Variants in SH3PXD2B observed in about 807,000 individuals in gnomAD.
SH3PXD2B encodes the protein SH3 and PX domains 2B.
In SH3PXD2B, 37 loss-of-function variants were observed where a neutral mutation model predicts 73.1. The ratio of observed to expected loss-of-function variants is 0.51; its 90% CI spans 0.39 to 0.67. SH3PXD2B has a LOEUF of 0.67. Ranked by LOEUF, SH3PXD2B falls within the 30% of genes least tolerant of loss-of-function variation. SH3PXD2B has a pLI of 0.00. For synonymous variants in SH3PXD2B, 457 were observed against 480.5 expected (o/e 0.95, Z 0.64); for missense variants, 1,053 against 1,197.8 (o/e 0.88, Z 1.78).
rs771418988 is a variant in SH3PXD2B, at chr5:172,382,055, C to T, written c.382G>A (p.Asp128Asn). The stretch of plus-strand genomic sequence containing the variant: ...ACTTACTCTTTGGGGGGATTCAGGT[C>T]CTCAGGTCTTGTCTCAAAGAACTGC... ...VLQFFETRPE[D>N]LNPPKEEHIG... Residue 128 changes from aspartate (D) to asparagine (N), a missense_variant, in exon 5 of 13, where the codon GAC (aspartate) becomes AAC (asparagine). By Grantham distance (23) the Asp-to-Asn change is conservative. Around this residue, in one of 2 missense-constraint regions of SH3PXD2B, gnomAD observed 466 missense variants for 607.1 expected, o/e 0.77. Coordinates refer to ENST00000311601, the MANE Select transcript of SH3PXD2B (RefSeq NM_001017995.3). The T allele has an allele frequency of 1.9e-6, 3 of 1,611,926 alleles. No individual in the cohort carries two copies. Among genetic ancestry groups the T allele is most frequent in the Admixed American group, 3.3e-5 (2 of 59,746 alleles).
chr5:172,382,887 C>A (rs975253535), intron 4 of SH3PXD2B, among the ~76,000 whole-genome samples: 2 of 149,974 alleles, frequency 1.3e-5, no homozygotes. Context: ...TGCTACCATG[C>A]CTGGCTAATT....
At chr5:172,442,852 G>A (rs972045953) in intron 1 of SH3PXD2B, among the ~76,000 whole-genome samples, 2 of 152,138 alleles carry the variant, frequency 1.3e-5, no homozygotes, top group African/African-American at 4.8e-5. Context: ...ACTGAAGCAC[G>A]GAGAGGTTCA....
rs369606134 is a variant in SH3PXD2B at position 172,339,852 on chromosome 5, G to A, written c.1253C>T (p.Pro418Leu). ...CTTGTACTTGTCAATGAAGGTGGCC[G>A]GGGCCCACCCTTCCTTATCTTCAAT... ...IQIEDKEGWAPATFIDKYKKT... is the reference protein window; with the variant it reads ...IQIEDKEGWALATFIDKYKKT... The change falls in exon 13 of 13, where the codon CCG becomes CTG. Residue 418 changes from proline to leucine, a missense_variant. This residue lies in a region of SH3PXD2B where 466 missense variants were observed against 607.1 expected (regional missense o/e 0.77). Coordinates refer to ENST00000311601, the MANE Select transcript of SH3PXD2B (RefSeq NM_001017995.3). The surrounding 1 kb of genome is among the most constrained non-coding windows in gnomAD (Gnocchi z 6.1). The A allele has an allele frequency of 1.5e-5, 25 of 1,614,114 alleles. No homozygotes were observed. The highest frequency in any genetic ancestry group is 1.9e-5 in the Non-Finnish European group (22 of 1,180,042).
intron 4 of SH3PXD2B, among the ~76,000 whole-genome samples, chr5:172,394,317 AC>A (rs1379784175): frequency 1.3e-5 from 2 of 152,256 alleles, no homozygotes; most frequent in Non-Finnish European, 2.9e-5. Flanking sequence ...ACAAAATTAC[AC>A]ATACAGAATG....
intron 10 of SH3PXD2B, among the ~76,000 whole-genome samples, chr5:172,348,598 CTT>C (rs5873311): frequency 0.13 from 19,223 of 151,382 alleles, 1,472 homozygotes; most frequent in Middle Eastern, 0.2. Context: ...AGGGGGGTGT[CTT>C]TGTTTTAGCA....
Position 172,337,270 on chromosome 5 carries a change from C to G in SH3PXD2B, c.*1099G>C. On this transcript the variant is annotated 3_prime_UTR_variant, in exon 13 of 13. Transcript: ENST00000311601. ...CCCCCTCACAATGAAGCCACTTGGC[C>G]ACCACTTAGCCAGCTTCTATCTCTT... 1 of 985,830 alleles carries G rather than the reference C, an allele frequency of 1.0e-6. No homozygotes were observed. The highest frequency in any genetic ancestry group is 1.2e-6 in the Non-Finnish European group (1 of 830,232). The allele number at this position is 985,830 out of a possible 1,614,324, so 61.1% of individuals were successfully genotyped here.
At chr5:172,332,055 T>C (rs1756565380), downstream of SH3PXD2B, among the ~76,000 whole-genome samples, 1 of 152,168 alleles carries the variant, frequency 6.6e-6, no homozygotes, top group Non-Finnish European at 1.5e-5. Context: ...AGAGGGCAAG[T>C]AGACTGCAAA....
chr5:172,435,086 G>T (rs1759342347), intron 1 of SH3PXD2B, among the ~76,000 whole-genome samples: 1 of 152,066 alleles, frequency 6.6e-6, no homozygotes, highest in African/African-American at 2.4e-5. Flanking sequence ...CACACAGCAG[G>T]TCTCCTTTCT....
At chr5:172,454,188 C>T (rs1324954138) in intron 1 of SH3PXD2B, 90 bp downstream of exon 1, 78 of 1,132,100 alleles carry the variant, frequency 6.9e-5, no homozygotes, top group Non-Finnish European at 9.2e-5. Context: ...ACGGGAAGCG[C>T]TGGAGGCAGA....
At chr5:172,370,471 C>T (rs1358200851) in intron 6 of SH3PXD2B, among the ~76,000 whole-genome samples, 1 of 152,114 alleles carries the variant, frequency 6.6e-6, no homozygotes, top group East Asian at 1.9e-4. Context: ...TTGCTATAAG[C>T]AAGACAGAGA....
At chr5:172,412,819 C>A (rs1209971600) in intron 2 of SH3PXD2B, among the ~76,000 whole-genome samples, 1 of 152,220 alleles carries the variant, frequency 6.6e-6, no homozygotes, top group Admixed American at 6.5e-5. Flanking sequence ...CCGCGCTCCC[C>A]CCAGATAACA....
chr5:172,426,862 T>G (rs1023864435), intron 1 of SH3PXD2B, among the ~76,000 whole-genome samples: 7 of 152,200 alleles, frequency 4.6e-5, no homozygotes, highest in Admixed American at 3.3e-4. Context: ...TTTGAACCCC[T>G]GGATCCAGCC....
intron 1 of SH3PXD2B, among the ~76,000 whole-genome samples, chr5:172,446,882 T>C (rs1356692105): frequency 2.0e-5 from 3 of 152,350 alleles, no homozygotes; most frequent in South Asian, 2.1e-4. Flanking sequence ...TGCCCAGACC[T>C]TCCCTCGTGG....
intron 1 of SH3PXD2B, among the ~76,000 whole-genome samples, chr5:172,440,209 C>T (rs1391830105): frequency 4.6e-5 from 7 of 152,232 alleles, no homozygotes; most frequent in Non-Finnish European, 8.8e-5. Flanking sequence ...CAAGAGCACC[C>T]ACTACGCGCA....
At chr5:172,331,536 C>G (rs985391067), downstream of SH3PXD2B, among the ~76,000 whole-genome samples, 1 of 152,176 alleles carries the variant, frequency 6.6e-6, no homozygotes, top group Non-Finnish European at 1.5e-5. Flanking sequence ...CATTGAAGAC[C>G]AAGGACTTGG....
chr5:172,405,309 C>T (rs1228329308), intron 3 of SH3PXD2B, among the ~76,000 whole-genome samples: 4 of 152,222 alleles, frequency 2.6e-5, no homozygotes, highest in African/African-American at 4.8e-5. Context: ...GTATATGTGA[C>T]GAGCTATTAT....
chr5:172,355,584 G>T (rs530119142), intron 8 of SH3PXD2B, among the ~76,000 whole-genome samples: 195 of 149,270 alleles, frequency 1.3e-3, no homozygotes, highest in African/African-American at 4.7e-3. Flanking sequence ...TCGCTCTGTC[G>T]CCCAGGCTGG....
At chr5:172,453,251 C>G (rs1486502184) in intron 1 of SH3PXD2B, among the ~76,000 whole-genome samples, 1 of 152,116 alleles carries the variant, frequency 6.6e-6, no homozygotes, top group Non-Finnish European at 1.5e-5. Flanking sequence ...CTCTTTTTCC[C>G]TTCCTGGTTA....
At chr5:172,325,660 G>A (rs967444797) in intron 12 of SH3PXD2B, among the ~76,000 whole-genome samples, 1 of 152,336 alleles carries the variant, frequency 6.6e-6, no homozygotes, top group East Asian at 1.9e-4. Context: ...AAGAGCAGCT[G>A]AAACACACTT....
Sources: allele counts gnomAD v4.1 joint callset (sites outside exome capture counted in the v4.1 genomes callset), GRCh38; gene constraint gnomAD v4.1.1; regional missense constraint gnomAD v4.1.1; non-coding constraint Gnocchi (gnomAD v3.1); transcripts MANE v1.5; gene names NCBI Gene and HGNC (gene_info 2026-07-23, HGNC 2026-07-21).